The following WDR62 variants were observed in gnomAD, a reference collection of about 807,000 sequenced individuals.
WDR62 encodes WD repeat domain 62, also known as WD repeat-containing protein 62.
WDR62 carries 112 observed loss-of-function variants against 160.6 expected under a neutral mutation model. The observed-to-expected ratio is 0.70, with a 90% CI of 0.60 to 0.82. The LOEUF (loss-of-function observed/expected upper bound fraction) is 0.82, where lower values mean the gene tolerates loss of function less well. WDR62 is among the 40% of genes least tolerant of loss of function. The pLI, the probability that WDR62 is intolerant of heterozygous loss-of-function variation, is 0.00. For synonymous variants in WDR62, 792 were observed against 815.1 expected (o/e 0.97, Z 0.48); for missense variants, 1,819 against 1,983.8 (o/e 0.92, Z 1.58).
At chr19:36,057,849 G>A (rs773827719) in intron 1 of WDR62, among the ~76,000 whole-genome samples, 6 of 152,136 alleles carry the variant, frequency 3.9e-5, no homozygotes, top group Non-Finnish European at 8.8e-5. Context: ...AATCTGATGT[G>A]GGGAAACTGT....
At chr19:36,106,082 A>C (rs1259205257), downstream of WDR62, among the ~76,000 whole-genome samples, 2 of 152,232 alleles carry the variant, frequency 1.3e-5, no homozygotes, top group Non-Finnish European at 2.9e-5. Flanking sequence ...CAGCAGGCCC[A>C]GGCCACGAGC....
At chr19:36,092,076 C>G (rs1051218407) in intron 18 of WDR62, among the ~76,000 whole-genome samples, 1 of 151,696 alleles carries the variant, frequency 6.6e-6, no homozygotes, top group African/African-American at 2.4e-5. Context: ...TTTGGGAGGC[C>G]TAGGTGGATG....
At chr19:36,063,348 C>G (rs1219940035) in intron 3 of WDR62, among the ~76,000 whole-genome samples, 3 of 152,040 alleles carry the variant, frequency 2.0e-5, no homozygotes, top group Admixed American at 2.0e-4. Flanking sequence ...CTCCTGGGTT[C>G]AAGCGATTCT....
At position 36,098,087 on chromosome 19, in the gene WDR62, T is replaced by C. The variant is rs564178781; in HGVS notation, c.2520+1008T>C. Among the ~76,000 whole-genome samples, 151 of 150,260 alleles carry C rather than the reference T, an allele frequency of 1.0e-3. 1 individual carries two copies. The highest frequency in any genetic ancestry group is 4.6e-4 in the Non-Finnish European group (31 of 67,586). ...GAGCTCGAGACCAGCTTAGGCAACA[T>C]AATGAGACTCCCATCTCTACAAAAG... On this transcript the variant is annotated intron_variant, in intron 21 of 31. Coordinates refer to ENST00000401500, the MANE Select transcript of WDR62 (RefSeq NM_001083961.2).
chr19:36,100,885 C>G lies in WDR62; in HGVS notation c.2867+10C>G. 3 of 1,614,102 alleles carry G rather than the reference C, an allele frequency of 1.9e-6. No individual in the cohort carries two copies. The highest frequency in any genetic ancestry group is 1.1e-5 in the South Asian group (1 of 91,048). On this transcript the variant is annotated intron_variant, in intron 23 of 31. Transcript: ENST00000401500. ...TCACAGGGACAGACAGGTGGGTGTC[C>G]TTTCCACCAAGGGAGCCTTAGTTGG...
In WDR62 at chr19:36,100,610, A is replaced by C. The variant is rs1599840524; in HGVS notation, c.2740-138A>C. 3 of 1,300,564 alleles carry C rather than the reference A, an allele frequency of 2.3e-6. No homozygotes were observed. In the East Asian group the frequency reaches 7.0e-5, roughly 30 times the overall value. The allele number at this position is 1,300,564 out of a possible 1,614,324, so 80.6% of individuals were successfully genotyped here. On this transcript the variant is annotated intron_variant, in intron 22 of 31. Transcript: ENST00000401500. ...GATAATGCAGGGGCAGACCAGGACA[A>C]GCTGGTTGCGAGTGGAGGGCATGGC...
chr19:36,088,909 C>T (rs1599811689), intron 13 of WDR62, 129 bp from the exon 14 acceptor site: 2 of 1,045,336 alleles, frequency 1.9e-6, no homozygotes, highest in East Asian at 2.6e-5. Flanking sequence ...CCAGCACCCA[C>T]CTCACCACCT....
rs1973408938 is a variant in WDR62, at chr19:36,102,298, G to T, written c.3220+147G>T. 3 of 1,219,598 alleles carry T rather than the reference G, an allele frequency of 2.5e-6. No homozygotes were observed. In the East Asian group the frequency reaches 7.3e-5, roughly 30 times the overall value. The allele number at this position is 1,219,598 out of a possible 1,614,324, so 75.5% of individuals were successfully genotyped here. On this transcript the variant is annotated intron_variant, in intron 26 of 31. Transcript: ENST00000401500. ...TTTTTTTGAGACGGAGTCTCGCTCT[G>T]TTGCCAGGCTGGAGTGCGGTGGCCC...
At chr19:36,109,029 A>G (rs769108053), downstream of WDR62, among the ~76,000 whole-genome samples, 3 of 152,100 alleles carry the variant, frequency 2.0e-5, no homozygotes, top group Non-Finnish European at 2.9e-5. Context: ...GCCCAATGAG[A>G]AATGACTTGC....
At chr19:36,057,935 A>G (rs955137297) in intron 1 of WDR62, among the ~76,000 whole-genome samples, 3 of 152,164 alleles carry the variant, frequency 2.0e-5, no homozygotes, top group Non-Finnish European at 4.4e-5. Flanking sequence ...CTGGGTTTGT[A>G]TATCAACATT....
At chr19:36,088,388 A>C (rs1259406059) in intron 13 of WDR62, among the ~76,000 whole-genome samples, 1 of 152,234 alleles carries the variant, frequency 6.6e-6, no homozygotes, top group Non-Finnish European at 1.5e-5. Flanking sequence ...AGGGCTTCAC[A>C]TCACTCTCCA....
intron 18 of WDR62, among the ~76,000 whole-genome samples, chr19:36,092,193 C>G (rs915782500): frequency 6.6e-6 from 1 of 151,934 alleles, no homozygotes; most frequent in African/African-American, 2.4e-5. Flanking sequence ...CGCCTGTAGT[C>G]CCAGCTACTT....
Position 36,103,990 on chromosome 19 carries a change from A to G in WDR62, c.4153+9A>G, listed in dbSNP as rs781438556. The G allele has an allele frequency of 7.4e-5, 118 of 1,597,266 alleles. 2 individuals carry two copies. In the Admixed American group the frequency reaches 1.5e-3, roughly 20 times the overall value. ...CCTGGAGCCCACCTCCGGTGAGTAC[A>G]GCCCTGGAGCAAGGACTGTCCCCTA... On this transcript the variant is annotated intron_variant, in intron 30 of 31. Transcript: ENST00000401500.
At chr19:36,093,340 T>C (rs1002617609) in intron 19 of WDR62, among the ~76,000 whole-genome samples, 5 of 152,220 alleles carry the variant, frequency 3.3e-5, no homozygotes, top group African/African-American at 1.2e-4. Flanking sequence ...TAGCTTCACT[T>C]ACTTCTTTGA....
intron 5 of WDR62, among the ~76,000 whole-genome samples, 192 bp downstream of exon 5, chr19:36,066,619 T>C (rs186049280): frequency 6.6e-6 from 1 of 152,364 alleles, no homozygotes; most frequent in African/African-American, 2.4e-5. Flanking sequence ...AGAAGCATTA[T>C]ACATATTTTT....
At chr19:36,088,236 G>T (rs942439830) in intron 13 of WDR62, among the ~76,000 whole-genome samples, 2 of 152,110 alleles carry the variant, frequency 1.3e-5, no homozygotes, top group African/African-American at 2.4e-5. Flanking sequence ...ATTCTGTAAA[G>T]AAATGAGACG....
rs1226606404 is a variant in WDR62 at position 36,103,506 on chromosome 19, C to G, written c.3678C>G (p.Ala1226=). 4 of 1,614,040 alleles carry G rather than the reference C, an allele frequency of 2.5e-6. No homozygotes were observed. In the African/African-American group the frequency reaches 5.3e-5, roughly 22 times the overall value. Residue 1226 remains alanine, a synonymous_variant, in exon 30 of 32, where the codon GCC becomes GCG. Transcript: ENST00000401500. ...SYMEATASSR[A]RISRSISLGD... is the part of the protein sequence containing the mutation. ...TGGAGGCCACTGCCAGCTCCCGTGC[C>G]AGGATATCACGCAGCATCTCCCTCG...
intron 7 of WDR62, 128 bp from the exon 8 acceptor site, chr19:36,071,428 A>C: frequency 9.7e-7 from 1 of 1,031,790 alleles, no homozygotes; most frequent in Middle Eastern, 2.1e-4. Flanking sequence ...ATATGCTAAA[A>C]TGGGTGTCTT....
intron 21 of WDR62, among the ~76,000 whole-genome samples, chr19:36,097,744 C>G (rs1196243281): frequency 6.7e-6 from 1 of 150,372 alleles, no homozygotes; most frequent in African/African-American, 2.5e-5. Context: ...ATTAGCCAGG[C>G]ATGGTGGTGC....
Sources: gnomAD v4.1 joint callset for allele counts (sites outside exome capture counted in the v4.1 genomes callset) on GRCh38, gnomAD v4.1.1 for gene constraint, MANE v1.5 for transcripts, NCBI Gene and HGNC (gene_info 2026-07-23, HGNC 2026-07-21) for gene names.